The following STK4 variants were observed in gnomAD, a reference collection of about 807,000 sequenced individuals.
STK4 encodes the protein serine/threonine-protein kinase 4.
Under a neutral mutation model 64.9 loss-of-function variants are expected in STK4, and 30 were observed. The ratio of observed to expected loss-of-function variants is 0.46; its 90% CI spans 0.35 to 0.63. The LOEUF (loss-of-function observed/expected upper bound fraction) is 0.63. STK4 is among the 20% of genes least tolerant of loss of function. The pLI is 0.01. For missense variants in STK4, 466 were observed against 598.5 expected, an observed-to-expected ratio of 0.78 and a Z score of 2.31; for synonymous variants, 177 against 199.0, an observed-to-expected ratio of 0.89 and a Z score of 0.93.
chr20:45,029,168 C>T (rs2068402801), intron 10 of STK4, among the ~76,000 whole-genome samples: 3 of 152,170 alleles, frequency 2.0e-5, no homozygotes, highest in Non-Finnish European at 4.4e-5. Context: ...TGTGAAAGAT[C>T]TGGCTACAGT....
At chr20:45,057,162 G>A (rs1251903741) in intron 10 of STK4, among the ~76,000 whole-genome samples, 2 of 152,206 alleles carry the variant, frequency 1.3e-5, no homozygotes, top group Non-Finnish European at 2.9e-5. Context: ...GAAAGACCAC[G>A]TTCTAGGCTG....
chr20:45,049,426 G>A (rs2068744887), intron 10 of STK4, among the ~76,000 whole-genome samples: 1 of 152,154 alleles, frequency 6.6e-6, no homozygotes, highest in Admixed American at 6.5e-5. Context: ...TTCACACATT[G>A]GGAAGAAATG....
At chr20:45,022,833 A>G (rs2068272079) in intron 9 of STK4, among the ~76,000 whole-genome samples, 1 of 152,212 alleles carries the variant, frequency 6.6e-6, no homozygotes, top group African/African-American at 2.4e-5. Context: ...CGCCATTTTT[A>G]TTGATGAACT....
chr20:45,068,046 T>C (rs922163938), intron 10 of STK4, among the ~76,000 whole-genome samples: 1 of 152,230 alleles, frequency 6.6e-6, no homozygotes, highest in Non-Finnish European at 1.5e-5. Context: ...TTACCCACTT[T>C]CTTTCTGGTG....
intron 7 of STK4, among the ~76,000 whole-genome samples, chr20:44,999,351 G>C (rs1469686866): frequency 6.6e-6 from 1 of 152,164 alleles, no homozygotes; most frequent in Non-Finnish European, 1.5e-5. Flanking sequence ...TTACGGAAAT[G>C]TATCTCCTGT....
intron 9 of STK4, among the ~76,000 whole-genome samples, chr20:45,020,468 ATGTT>A (rs1568728023): frequency 2.3e-5 from 1 of 43,628 alleles, no homozygotes; most frequent in African/African-American, 1.4e-4. Flanking sequence ...GTGTGTGTGT[ATGTT>A]TATGTTTATG....
At chr20:44,979,029 G>A (rs1009503170) in intron 3 of STK4, among the ~76,000 whole-genome samples, 2 of 152,016 alleles carry the variant, frequency 1.3e-5, no homozygotes, top group African/African-American at 4.8e-5. Context: ...TCAAATTCCT[G>A]ACCATAAATG....
At chr20:45,053,908 TG>T (rs1568758359) in intron 10 of STK4, among the ~76,000 whole-genome samples, 2 of 151,256 alleles carry the variant, frequency 1.3e-5, no homozygotes, top group Non-Finnish European at 2.9e-5. Context: ...TTTTGTTTTT[TG>T]TTTTTTTTTT....
chr20:44,971,548 A>G (rs1015417976), intron 1 of STK4, among the ~76,000 whole-genome samples: 12 of 152,174 alleles, frequency 7.9e-5, no homozygotes, highest in African/African-American at 2.9e-4. Context: ...GTTACCTTAC[A>G]TTAAACACCT....
chr20:45,052,775 G>A (rs114642863), intron 10 of STK4, among the ~76,000 whole-genome samples: 2,058 of 152,236 alleles, frequency 0.014, 42 homozygotes, highest in African/African-American at 0.046. Flanking sequence ...TTTCTGATGA[G>A]TTTCTTTTCT....
intron 6 of STK4, among the ~76,000 whole-genome samples, chr20:44,996,488 G>T (rs1162933850): frequency 1.3e-5 from 2 of 152,130 alleles, no homozygotes; most frequent in African/African-American, 4.8e-5. Context: ...TTGGGAGAAG[G>T]AGTGAGGAGA....
At chr20:44,993,228 T>C (rs1009770557) in intron 5 of STK4, among the ~76,000 whole-genome samples, 31 of 137,548 alleles carry the variant, frequency 2.3e-4, no homozygotes, top group African/African-American at 7.9e-4. Context: ...CAGGTTATTA[T>C]ATATACATAT....
At chr20:45,068,133 TC>T (rs1411694949) in intron 10 of STK4, among the ~76,000 whole-genome samples, 1 of 152,312 alleles carries the variant, frequency 6.6e-6, no homozygotes, top group African/African-American at 2.4e-5. Context: ...AATAATGTCC[TC>T]CATTGAAAAA....
intron 3 of STK4, 126 bp downstream of exon 3, chr20:44,978,697 T>G (rs1033010484): frequency 9.0e-7 from 1 of 1,108,390 alleles, no homozygotes; most frequent in Non-Finnish European, 1.2e-6. Flanking sequence ...ATGGAATCAC[T>G]GTGCATTTTC....
Position 45,079,415 on chromosome 20 carries a change from A to G in STK4, c.*4239A>G, listed in dbSNP as rs1980756065. ...ATCCAGGTCTTCTGATTCTTATTCC[A>G]GTGTCCTTTCTAGCATACCATGTTG... is the stretch of plus-strand genomic sequence containing the variant. On this transcript the variant is annotated 3_prime_UTR_variant, in exon 11 of 11. Coordinates refer to ENST00000372806, the MANE Select transcript of STK4 (RefSeq NM_006282.5). 1 of 152,180 alleles carries G rather than the reference A, an allele frequency of 6.6e-6. No homozygotes were observed. Among genetic ancestry groups the G allele is most frequent in the African/African-American group, 2.4e-5 (1 of 41,430 alleles). 9.4% of individuals were successfully genotyped at this position (152,180 alleles called of 1,614,324 possible).
chr20:44,978,106 A>T (rs908654869), intron 2 of STK4, among the ~76,000 whole-genome samples: 1 of 152,236 alleles, frequency 6.6e-6, no homozygotes, highest in Non-Finnish European at 1.5e-5. Flanking sequence ...TAAAATAGGG[A>T]TAGTCATCTC....
chr20:45,029,385 T>C (rs2068406996), intron 10 of STK4, among the ~76,000 whole-genome samples: 1 of 152,216 alleles, frequency 6.6e-6, no homozygotes, highest in East Asian at 1.9e-4. Context: ...CCTATTCTGA[T>C]ATATGACATT....
chr20:45,044,273 A>G (rs996299661), intron 10 of STK4, among the ~76,000 whole-genome samples: 1 of 152,142 alleles, frequency 6.6e-6, no homozygotes, highest in Non-Finnish European at 1.5e-5. Context: ...TGAGTGCACA[A>G]TCTCCTGTGT....
At chr20:44,988,968 A>G (rs766721989) in intron 5 of STK4, among the ~76,000 whole-genome samples, 1 of 152,102 alleles carries the variant, frequency 6.6e-6, no homozygotes, top group Non-Finnish European at 1.5e-5. Context: ...TCAATTCTTC[A>G]TTCCTTTTTA....
Sources: gnomAD v4.1 joint callset for allele counts (sites outside exome capture counted in the v4.1 genomes callset) on GRCh38, gnomAD v4.1.1 for gene constraint, MANE v1.5 for transcripts, NCBI Gene and HGNC (gene_info 2026-07-23, HGNC 2026-07-21) for gene names.